The following TRPC1 variants were observed in gnomAD, a reference collection of about 807,000 sequenced individuals.
The protein encoded by TRPC1 is short transient receptor potential channel 1.
TRPC1 carries 42 observed loss-of-function variants against 88.2 expected under a neutral mutation model. The ratio of observed to expected loss-of-function variants is 0.48; its 90% CI spans 0.37 to 0.62. The LOEUF is 0.62. Ranked by LOEUF, TRPC1 falls within the 20% of genes least tolerant of loss-of-function variation. The pLI is 0.00. For synonymous variants in TRPC1, 288 were observed against 331.8 expected, an observed-to-expected ratio of 0.87 and a Z score of 1.43; for missense variants, 699 against 957.3, an observed-to-expected ratio of 0.73 and a Z score of 3.56.
At chr3:142,763,995 C>T (rs55716836) in intron 4 of TRPC1, among the ~76,000 whole-genome samples, 2,453 of 30,348 alleles carry the variant, frequency 0.081, 254 homozygotes, top group African/African-American at 0.36. Context: ...CACATACATA[C>T]ATACATATAT....
rs1298145800 is a variant in TRPC1, at chr3:142,783,815, C to A, written c.961-889C>A. Among the ~76,000 whole-genome samples the A allele has an allele frequency of 2.0e-5, 3 of 152,062 alleles. No homozygotes were observed. In the East Asian group the frequency reaches 5.8e-4, roughly 29 times the overall value. ...TTATTGTGGATTACCTGAATAATGT[C>A]ATTTTATAATAATTTCAAACCTGAT... On this transcript the variant is annotated intron_variant, in intron 6 of 12. Coordinates refer to ENST00000476941, the MANE Select transcript of TRPC1 (RefSeq NM_001251845.2).
At chr3:142,734,727 C>G (rs1055590727) in intron 1 of TRPC1, among the ~76,000 whole-genome samples, 4 of 151,706 alleles carry the variant, frequency 2.6e-5, no homozygotes, top group African/African-American at 9.7e-5. Flanking sequence ...TGCTTGAGGC[C>G]AGGAATTTGA....
At chr3:142,801,639 A>G (rs912570639) in intron 9 of TRPC1, among the ~76,000 whole-genome samples, 2 of 152,160 alleles carry the variant, frequency 1.3e-5, no homozygotes, top group East Asian at 1.9e-4. Context: ...CTTAAAATGG[A>G]CCCAAAGGGA....
At chr3:142,747,042 G>T (rs1934581994) in intron 3 of TRPC1, among the ~76,000 whole-genome samples, 1 of 152,166 alleles carries the variant, frequency 6.6e-6, no homozygotes, top group South Asian at 2.1e-4. Flanking sequence ...TTATGTGCAT[G>T]AATTATTTTT....
chr3:142,802,380 G>GTT, intron 10 of TRPC1, 36 bp downstream of exon 10: 1 of 1,269,424 alleles, frequency 7.9e-7, no homozygotes, highest in Non-Finnish European at 1.0e-6. Flanking sequence ...AAATATATTT[G>GTT]TCTTTTTTTT....
At position 142,776,986 on chromosome 3, in the gene TRPC1, A is replaced by T. The variant is rs540103680; in HGVS notation, c.633-646A>T. Among the ~76,000 whole-genome samples, 2 of 152,046 alleles carry T rather than the reference A, an allele frequency of 1.3e-5. No homozygotes were observed. The highest frequency in any genetic ancestry group is 4.8e-5 in the African/African-American group (2 of 41,488). On this transcript the variant is annotated intron_variant, in intron 4 of 12. Transcript: ENST00000476941. This position sits in a 1 kb window ranked among gnomAD's most constrained non-coding sequence, Gnocchi z 4.1. ...TCATCAAATCCACATCATATTAAAAATTTATGTTATTAGCATATTTTATTT... is the reference window on the plus strand; with the variant it reads ...TCATCAAATCCACATCATATTAAAATTTTATGTTATTAGCATATTTTATTT...
chr3:142,732,821 T>G (rs1933975540), intron 1 of TRPC1, among the ~76,000 whole-genome samples: 1 of 152,328 alleles, frequency 6.6e-6, no homozygotes, highest in African/African-American at 2.4e-5. Flanking sequence ...CGTTATAAAA[T>G]GAATGGCATT....
intron 6 of TRPC1, among the ~76,000 whole-genome samples, chr3:142,781,637 A>C (rs182433597): frequency 8.5e-4 from 129 of 152,218 alleles, no homozygotes; most frequent in Admixed American, 2.9e-3. Context: ...TCTACTCCCC[A>C]TGCATACATA....
Position 142,777,758 on chromosome 3 carries a change from A to G in TRPC1, c.759A>G (p.Glu253=). 1 of 1,606,668 alleles carries G rather than the reference A, an allele frequency of 6.2e-7. No homozygotes were observed. The highest frequency in any genetic ancestry group is 8.5e-7 in the Non-Finnish European group (1 of 1,176,222). The change falls in exon 5 of 13, where the codon GAA becomes GAG. Residue 253 remains glutamate, a synonymous_variant. Transcript: ENST00000476941. ...AAGAACTAAGTCTTGTGGAGGTGGA[A>G]TTCAGGTGGGAATGAATGCAAATTA... ...DLKELSLVEV[E]FRNDYEELAR... is the part of the protein sequence containing the mutation.
chr3:142,733,120 C>T (rs886591105), intron 1 of TRPC1, among the ~76,000 whole-genome samples: 4 of 143,632 alleles, frequency 2.8e-5, no homozygotes, highest in African/African-American at 1.0e-4. Flanking sequence ...CAGGGTGGAA[C>T]CTTTTATTTT....
At chr3:142,749,504 T>C (rs1604) in intron 4 of TRPC1, among the ~76,000 whole-genome samples, 52 of 152,076 alleles carry the variant, frequency 3.4e-4, no homozygotes, top group Admixed American at 8.5e-4. Flanking sequence ...AGACCTTCCA[T>C]TGGGACAGGA....
intron 4 of TRPC1, among the ~76,000 whole-genome samples, chr3:142,771,406 A>C (rs994516785): frequency 6.6e-6 from 1 of 151,926 alleles, no homozygotes; most frequent in African/African-American, 2.4e-5. Flanking sequence ...GAACTCCTGG[A>C]CTCAAGCAGT....
intron 7 of TRPC1, among the ~76,000 whole-genome samples, chr3:142,789,890 A>C (rs1350481670): frequency 2.6e-5 from 4 of 152,198 alleles, no homozygotes; most frequent in African/African-American, 9.7e-5. Flanking sequence ...AACATCGGTA[A>C]ATAAAACAAA....
chr3:142,724,860 T>G lies in TRPC1; in HGVS notation c.172+129T>G. 3.6e-6 allele frequency: 4 copies of G among 1,124,812 alleles called. No individual in the cohort carries two copies. Among genetic ancestry groups the G allele is most frequent in the Non-Finnish European group, 3.6e-6 (3 of 839,676 alleles). 69.7% of individuals were successfully genotyped at this position (1,124,812 alleles called of 1,614,324 possible). A position where few individuals can be genotyped will look rare whatever the true frequency, so the allele number is the denominator to read the frequency against. On this transcript the variant is annotated intron_variant, in intron 1 of 12. Coordinates refer to ENST00000476941, the MANE Select transcript of TRPC1 (RefSeq NM_001251845.2). This position sits in a 1 kb window ranked among gnomAD's most constrained non-coding sequence, Gnocchi z 5.6. ...CCGAGTGTCTTCCCGCCTCGCCTGC[T>G]GCCTCAGGCGGTCTTCTCCTCACCG...
intron 6 of TRPC1, among the ~76,000 whole-genome samples, chr3:142,782,581 C>T (rs1291928509): frequency 6.6e-6 from 1 of 152,174 alleles, no homozygotes; most frequent in Non-Finnish European, 1.5e-5. Context: ...CATGATTTTT[C>T]TCTGCTTCTC....
At chr3:142,772,876 T>C (rs1233571990) in intron 4 of TRPC1, among the ~76,000 whole-genome samples, 3 of 152,220 alleles carry the variant, frequency 2.0e-5, no homozygotes, top group Admixed American at 6.5e-5. Context: ...TGACTTCTTA[T>C]GAGGGTCGTG....
intron 4 of TRPC1, among the ~76,000 whole-genome samples, chr3:142,753,870 G>A (rs1032167279): frequency 2.0e-5 from 3 of 152,096 alleles, no homozygotes; most frequent in Non-Finnish European, 2.9e-5. Flanking sequence ...CAAGGCGGGT[G>A]AATCACTTGA....
intron 1 of TRPC1, among the ~76,000 whole-genome samples, chr3:142,732,558 A>G (rs1245025256): frequency 2.0e-5 from 3 of 152,066 alleles, no homozygotes; most frequent in Non-Finnish European, 1.5e-5. Flanking sequence ...CAGGAGGAAG[A>G]TCATGGGGGT....
At chr3:142,805,969 G>A (rs76117823) in intron 12 of TRPC1, 39 bp from the exon 13 acceptor site, 87 of 1,555,398 alleles carry the variant, frequency 5.6e-5, no homozygotes, top group South Asian at 4.6e-4. Context: ...TTTAAATATC[G>A]TTTCTGCATA....
Sources: allele counts gnomAD v4.1 joint callset (sites outside exome capture counted in the v4.1 genomes callset), GRCh38; gene constraint gnomAD v4.1.1; non-coding constraint Gnocchi (gnomAD v3.1); transcripts MANE v1.5; gene names NCBI Gene and HGNC (gene_info 2026-07-23, HGNC 2026-07-21).